HYCC2: variants seen among roughly 807,000 people sequenced by gnomAD.
HYCC2 encodes hyccin PI4KA lipid kinase complex subunit 2.
chr2:201,027,541 T>C, the HYCC2 span, among the ~76,000 whole-genome samples: 1 of 152,092 alleles, frequency 6.6e-6, no homozygotes, highest in Non-Finnish European at 1.5e-5. Flanking sequence ...ACATCCCTGA[T>C]GAACATCGAT....
At chr2:201,059,957 T>C in the HYCC2 span, among the ~76,000 whole-genome samples, 2 of 147,270 alleles carry the variant, frequency 1.4e-5, no homozygotes, top group East Asian at 2.1e-4. Flanking sequence ...AGGTGGAGAA[T>C]CACTTGAACC....
chr2:201,022,023 C>A, the HYCC2 span: 7 of 1,240,414 alleles, frequency 5.6e-6, no homozygotes, highest in Admixed American at 9.2e-5. Context: ...AATGAAGATG[C>A]ACTTTAAGTT....
the HYCC2 span, among the ~76,000 whole-genome samples, chr2:201,051,754 TC>T: frequency 6.6e-6 from 1 of 152,172 alleles, no homozygotes; most frequent in Non-Finnish European, 1.5e-5. Flanking sequence ...CCTCAATTAA[TC>T]ACTACCTTGG....
the HYCC2 span, chr2:200,981,376 C>T: frequency 6.8e-6 from 11 of 1,614,024 alleles, no homozygotes; most frequent in African/African-American, 8.0e-5. This position sits in a 1 kb window ranked among gnomAD's most constrained non-coding sequence, Gnocchi z 4.5. Context: ...TTGACCTAGC[C>T]GGTCTTCCTG....
At chr2:201,025,043 G>T in the HYCC2 span, among the ~76,000 whole-genome samples, 1 of 152,070 alleles carries the variant, frequency 6.6e-6, no homozygotes, top group Non-Finnish European at 1.5e-5. Flanking sequence ...AGCCCAGGAG[G>T]TCAAGGCTGC....
the HYCC2 span, chr2:201,017,311 C>A: frequency 1.5e-6 from 1 of 666,208 alleles, no homozygotes; most frequent in Non-Finnish European, 2.4e-6. Context: ...TTAACCAAAA[C>A]CTTTGTGTAA....
the HYCC2 span, among the ~76,000 whole-genome samples, chr2:200,987,980 T>C: frequency 6.6e-6 from 1 of 152,170 alleles, no homozygotes; most frequent in Admixed American, 6.5e-5. Flanking sequence ...GGTAACAAGG[T>C]TAAAGCAACT....
At chr2:201,063,890 A>C in the HYCC2 span, 48 of 1,596,084 alleles carry the variant, frequency 3.0e-5, no homozygotes, top group African/African-American at 6.1e-4. Context: ...CAATTACAAA[A>C]ATCAGTCTTC....
At chr2:201,036,437 C>CA in the HYCC2 span, among the ~76,000 whole-genome samples, 4 of 152,082 alleles carry the variant, frequency 2.6e-5, no homozygotes, top group African/African-American at 9.6e-5. Context: ...AGAGACACAA[C>CA]AAAAAAAGAA....
At chr2:200,976,907 T>C in the HYCC2 span, 2 of 152,202 alleles carry the variant, frequency 1.3e-5, no homozygotes, top group African/African-American at 4.8e-5. Context: ...TTGTGCAATA[T>C]AATTAGCTTG....
chr2:200,993,443 T>A, the HYCC2 span, among the ~76,000 whole-genome samples: 1 of 152,312 alleles, frequency 6.6e-6, no homozygotes, highest in East Asian at 1.9e-4. Flanking sequence ...CAAAGAACTA[T>A]AAACAACTCC....
chr2:200,991,706 G>T, the HYCC2 span, among the ~76,000 whole-genome samples: 2 of 152,028 alleles, frequency 1.3e-5, no homozygotes, highest in Non-Finnish European at 2.9e-5. Flanking sequence ...CTGCACTCCA[G>T]TCTGGGTGGC....
the HYCC2 span, chr2:200,975,064 T>C: frequency 9.9e-5 from 15 of 152,094 alleles, no homozygotes; most frequent in African/African-American, 3.6e-4. Context: ...GGATCCTTAA[T>C]TTAAGGAGAC....
the HYCC2 span, chr2:201,071,296 C>T: frequency 6.6e-6 from 1 of 152,586 alleles, no homozygotes; most frequent in Non-Finnish European, 1.5e-5. Flanking sequence ...ATCCCTTCAG[C>T]CCTCACGACA....
At chr2:201,071,078 G>A in the HYCC2 span, among the ~76,000 whole-genome samples, 1 of 152,182 alleles carries the variant, frequency 6.6e-6, no homozygotes, top group South Asian at 2.1e-4. Context: ...TCCCAGGAGG[G>A]ACAACCTAGT....
the HYCC2 span, among the ~76,000 whole-genome samples, chr2:201,038,958 C>T: frequency 1.6e-4 from 25 of 152,068 alleles, no homozygotes; most frequent in East Asian, 9.7e-4. Flanking sequence ...AAAAGACAAG[C>T]GTATAAGGTC....
the HYCC2 span, among the ~76,000 whole-genome samples, chr2:201,014,254 C>T: frequency 6.6e-6 from 1 of 152,092 alleles, no homozygotes; most frequent in South Asian, 2.1e-4. Context: ...ATCTAAAACA[C>T]CAAATTCCAT....
chr2:201,003,073 A>C, the HYCC2 span, among the ~76,000 whole-genome samples: 1 of 152,012 alleles, frequency 6.6e-6, no homozygotes, highest in Non-Finnish European at 1.5e-5. Context: ...AAGAAATACA[A>C]AATTTTTTTA....
At chr2:201,063,661 T>A in the HYCC2 span, 4 of 1,575,198 alleles carry the variant, frequency 2.5e-6, no homozygotes, top group East Asian at 8.9e-5. Flanking sequence ...GTGCTTCATC[T>A]AGCCAAAGAG....
Sources: allele counts gnomAD v4.1 joint callset (sites outside exome capture counted in the v4.1 genomes callset), GRCh38; gene constraint gnomAD v4.1.1; non-coding constraint Gnocchi (gnomAD v3.1); transcripts MANE v1.5; gene names NCBI Gene and HGNC (gene_info 2026-07-23, HGNC 2026-07-21).